PAG1: variants seen among roughly 807,000 people sequenced by gnomAD.
PAG1 encodes phosphoprotein membrane anchor with glycosphingolipid microdomains 1.
A neutral mutation model predicts 31.7 loss-of-function variants in PAG1; 23 were observed. That is an observed-to-expected ratio of 0.73 (90% CI 0.52 to 1.03). The LOEUF is 1.03. PAG1 is among the 50% of genes least tolerant of loss of function. The pLI is 0.00. For missense variants in PAG1, 473 were observed against 540.7 expected, an observed-to-expected ratio of 0.87 and a Z score of 1.24; for synonymous variants, 214 against 210.3, an observed-to-expected ratio of 1.02 and a Z score of -0.15.
chr8:80,995,329 G>T (rs578242173), intron 3 of PAG1, among the ~76,000 whole-genome samples: 1 of 152,196 alleles, frequency 6.6e-6, no homozygotes, highest in African/African-American at 2.4e-5. Context: ...TTGATTGTAT[G>T]TATATTGTGC....
At chr8:81,015,422 T>G (rs1030679020) in intron 3 of PAG1, among the ~76,000 whole-genome samples, 2 of 152,218 alleles carry the variant, frequency 1.3e-5, no homozygotes, top group African/African-American at 4.8e-5. Context: ...ATTCTACACA[T>G]TGCAGCTGCC....
intron 1 of PAG1, among the ~76,000 whole-genome samples, chr8:81,104,338 C>A (rs1015131788): frequency 1.3e-5 from 2 of 151,684 alleles, no homozygotes; most frequent in Non-Finnish European, 2.9e-5. Flanking sequence ...CTTGCTTAAT[C>A]TTACTATGCC....
chr8:81,103,323 C>A (rs770484254), intron 1 of PAG1, among the ~76,000 whole-genome samples: 18 of 152,104 alleles, frequency 1.2e-4, no homozygotes, highest in Non-Finnish European at 2.5e-4. Flanking sequence ...CCCCCTAATT[C>A]TTCTTTAGTA....
intron 1 of PAG1, among the ~76,000 whole-genome samples, chr8:81,109,092 C>T (rs1424630212): frequency 6.6e-6 from 1 of 152,196 alleles, no homozygotes; most frequent in African/African-American, 2.4e-5. Context: ...TCTTTTTTGA[C>T]TCTCTGAATG....
intron 3 of PAG1, among the ~76,000 whole-genome samples, chr8:80,996,218 C>G (rs115500939): frequency 6.6e-6 from 1 of 152,188 alleles, no homozygotes; most frequent in Non-Finnish European, 1.5e-5. Flanking sequence ...GCAGTGCTGG[C>G]GGGTTGAGTG....
intron 3 of PAG1, among the ~76,000 whole-genome samples, chr8:81,001,848 G>C (rs1807790501): frequency 6.6e-6 from 1 of 152,156 alleles, no homozygotes; most frequent in African/African-American, 2.4e-5. Flanking sequence ...CTCAGCCCCA[G>C]GTATTCACAA....
chr8:81,074,152 G>A (rs1480363443), intron 1 of PAG1, among the ~76,000 whole-genome samples: 1 of 152,218 alleles, frequency 6.6e-6, no homozygotes, highest in Non-Finnish European at 1.5e-5. Flanking sequence ...AGATGATCCA[G>A]AAAAGCAGAA....
intron 3 of PAG1, among the ~76,000 whole-genome samples, chr8:81,011,441 C>T (rs1036717986): frequency 1.3e-5 from 2 of 152,174 alleles, no homozygotes; most frequent in Non-Finnish European, 2.9e-5. Context: ...TACCTTTCAC[C>T]TTCCTCCATG....
intron 2 of PAG1, among the ~76,000 whole-genome samples, chr8:81,058,138 T>C (rs1023379367): frequency 1.5e-4 from 23 of 152,170 alleles, no homozygotes; most frequent in African/African-American, 5.3e-4. Flanking sequence ...GATTTCTTTG[T>C]TCATTTTTCC....
At chr8:81,099,573 G>T (rs985319662) in intron 1 of PAG1, among the ~76,000 whole-genome samples, 2 of 152,170 alleles carry the variant, frequency 1.3e-5, no homozygotes, top group Non-Finnish European at 2.9e-5. Context: ...TGAAAAAGAA[G>T]ATAGAAACTA....
intron 3 of PAG1, among the ~76,000 whole-genome samples, chr8:80,995,936 G>A (rs751767643): frequency 1.3e-5 from 2 of 152,198 alleles, no homozygotes; most frequent in Non-Finnish European, 1.5e-5. Flanking sequence ...AATAAAGGAT[G>A]GAACCAAGAG....
At chr8:81,075,216 TAGA>T (rs1586204411) in intron 1 of PAG1, among the ~76,000 whole-genome samples, 1 of 152,378 alleles carries the variant, frequency 6.6e-6, no homozygotes, top group East Asian at 1.9e-4. Context: ...TGTGGCTTTT[TAGA>T]AGTTTAGCTT....
intron 3 of PAG1, among the ~76,000 whole-genome samples, chr8:81,025,697 G>A (rs1159571298): frequency 2.0e-5 from 3 of 152,218 alleles, no homozygotes; most frequent in East Asian, 1.9e-4. Context: ...CTGCAGGCAT[G>A]TCACAGGATG....
chr8:81,049,627 C>T (rs1808694587), intron 2 of PAG1, among the ~76,000 whole-genome samples: 1 of 152,218 alleles, frequency 6.6e-6, no homozygotes, highest in Non-Finnish European at 1.5e-5. Flanking sequence ...GATGCTAATA[C>T]TAACAAACAC....
intron 3 of PAG1, among the ~76,000 whole-genome samples, chr8:81,026,175 G>A (rs563063721): frequency 1.4e-4 from 21 of 151,966 alleles, no homozygotes; most frequent in African/African-American, 4.3e-4. Flanking sequence ...TGCTTGCCTC[G>A]CTGTAGGTAC....
intron 1 of PAG1, among the ~76,000 whole-genome samples, chr8:81,084,021 C>G (rs1259736213): frequency 1.3e-5 from 2 of 149,434 alleles, no homozygotes; most frequent in East Asian, 3.9e-4. Flanking sequence ...GGCAACAGAG[C>G]GAGACTCCAT....
At chr8:80,986,026 C>T (rs988638867) in intron 6 of PAG1, among the ~76,000 whole-genome samples, 1 of 152,192 alleles carries the variant, frequency 6.6e-6, no homozygotes, top group African/African-American at 2.4e-5. Context: ...TTCAGTCGTC[C>T]CTTTGTCAAC....
chr8:81,072,544 T>C (rs1809111281), intron 1 of PAG1, among the ~76,000 whole-genome samples: 1 of 152,184 alleles, frequency 6.6e-6, no homozygotes, highest in Non-Finnish European at 1.5e-5. Flanking sequence ...TGATGACTTA[T>C]TAAAACACAA....
Position 80,975,734 on chromosome 8 carries a change from T to C in PAG1, c.*810A>G, listed in dbSNP as rs1461050552. On this transcript the variant is annotated 3_prime_UTR_variant, in exon 9 of 9. Transcript: ENST00000220597. ...AAGTCTAGAAGTACCACAATACTCA[T>C]GGAAAATACTGAAAAGATTCGGACG... The C allele has an allele frequency of 6.6e-6, 1 of 152,182 alleles. No homozygotes were observed. Among genetic ancestry groups the C allele is most frequent in the Non-Finnish European group, 1.5e-5 (1 of 68,036 alleles). 9.4% of individuals were successfully genotyped at this position (152,182 alleles called of 1,614,324 possible).
Sources: allele counts gnomAD v4.1 joint callset (sites outside exome capture counted in the v4.1 genomes callset), GRCh38; gene constraint gnomAD v4.1.1; transcripts MANE v1.5; gene names NCBI Gene and HGNC (gene_info 2026-07-23, HGNC 2026-07-21).